The following CNOT6 variants were observed in gnomAD, a reference collection of about 807,000 sequenced individuals.
CNOT6 encodes the protein CCR4-NOT transcription complex subunit 6, also known as carbon catabolite repression 4 protein.
Under a neutral mutation model 61.2 loss-of-function variants are expected in CNOT6, and 12 were observed. The ratio of observed to expected loss-of-function variants is 0.20; its 90% confidence interval spans 0.13 to 0.32. CNOT6 has a LOEUF of 0.32. Ranked by LOEUF, CNOT6 falls within the 10% of genes least tolerant of loss-of-function variation. The pLI, the probability that CNOT6 is intolerant of heterozygous loss-of-function variation, is 1.00. For missense variants in CNOT6, 405 were observed against 663.9 expected (o/e 0.61, Z 4.28); for synonymous variants, 225 against 240.6 (o/e 0.94, Z 0.60).
chr5:180,511,111 G>GT (rs952223582), intron 1 of CNOT6, among the ~76,000 whole-genome samples: 47 of 151,674 alleles, frequency 3.1e-4, no homozygotes, highest in Non-Finnish European at 1.9e-4. Context: ...AGACAGGCAG[G>GT]TTTTTTTTGG....
At chr5:180,529,484 A>G (rs1254525428) in intron 2 of CNOT6, 96 bp downstream of exon 2, 1 of 713,974 alleles carries the variant, frequency 1.4e-6, no homozygotes, top group Non-Finnish European at 2.4e-6. Flanking sequence ...CATTGATTTT[A>G]TATTTTACAA....
intron 3 of CNOT6, 97 bp from the exon 4 acceptor site, chr5:180,553,289 A>C: frequency 1.3e-6 from 1 of 752,688 alleles, no homozygotes; most frequent in Non-Finnish European, 2.2e-6. Context: ...ACATTTTTTC[A>C]TTCTTAGGTG....
At chr5:180,526,390 A>G (rs1758103787) in intron 1 of CNOT6, among the ~76,000 whole-genome samples, 1 of 152,172 alleles carries the variant, frequency 6.6e-6, no homozygotes, top group Non-Finnish European at 1.5e-5. Flanking sequence ...AGGCAGAATG[A>G]GGGGGTGGAT....
At chr5:180,549,893 A>G in intron 2 of CNOT6, 38 bp from the exon 3 acceptor site, 1 of 1,453,030 alleles carries the variant, frequency 6.9e-7, no homozygotes, top group Non-Finnish European at 9.5e-7. Flanking sequence ...ATGTAGAGAA[A>G]ACTATATAAT....
intron 11 of CNOT6, among the ~76,000 whole-genome samples, chr5:180,572,765 A>C (rs1760816482): frequency 6.6e-6 from 1 of 151,682 alleles, no homozygotes; most frequent in Non-Finnish European, 1.5e-5. Flanking sequence ...TATATTGCCC[A>C]GCCCAATCTT....
intron 1 of CNOT6, among the ~76,000 whole-genome samples, chr5:180,511,484 A>G (rs1242675149): frequency 6.6e-6 from 1 of 152,026 alleles, no homozygotes; most frequent in Non-Finnish European, 1.5e-5. Context: ...GGTGGCATGC[A>G]CCTGTAGTTC....
intron 11 of CNOT6, 138 bp from the exon 12 acceptor site, chr5:180,573,850 A>G: frequency 1.5e-6 from 1 of 650,812 alleles, no homozygotes; most frequent in Non-Finnish European, 2.8e-6. Flanking sequence ...TATGTAGTAC[A>G]GACCTCATCC....
intron 4 of CNOT6, among the ~76,000 whole-genome samples, chr5:180,560,492 A>G (rs951646947): frequency 1.3e-5 from 2 of 152,162 alleles, no homozygotes; most frequent in Non-Finnish European, 2.9e-5. Context: ...TTCACTGGAT[A>G]TAAGAATCTG....
rs1040610665 is a variant in CNOT6 at position 180,565,724 on chromosome 5, G to A, written c.560-96G>A. On this transcript the variant is annotated intron_variant, in intron 6 of 11. Transcript: ENST00000261951. ...CAGTGACTATAGATTGAATGAATACGGTCAAACTTAACATTTAAGTGAAAA... is the reference window on the plus strand; with the variant it reads ...CAGTGACTATAGATTGAATGAATACAGTCAAACTTAACATTTAAGTGAAAA... 51 of 1,174,572 alleles carry A rather than the reference G, an allele frequency of 4.3e-5. No homozygotes were observed. In the South Asian group the frequency reaches 5.2e-4, roughly 12 times the overall value. 72.8% of individuals were successfully genotyped at this position (1,174,572 alleles called of 1,614,324 possible).
chr5:180,523,991 T>G (rs909998729), intron 1 of CNOT6, among the ~76,000 whole-genome samples: 8 of 152,178 alleles, frequency 5.3e-5, no homozygotes, highest in African/African-American at 1.9e-4. Flanking sequence ...ATGTTTTGTG[T>G]TTCTTTAAGT....
chr5:180,566,745 C>T (rs754897660), intron 7 of CNOT6, among the ~76,000 whole-genome samples: 19 of 150,230 alleles, frequency 1.3e-4, no homozygotes, highest in Admixed American at 1.1e-3. Flanking sequence ...CTGCAACCTC[C>T]GCCTCCTGGG....
intron 1 of CNOT6, among the ~76,000 whole-genome samples, chr5:180,511,536 G>A (rs1428331248): frequency 2.0e-5 from 3 of 150,986 alleles, no homozygotes; most frequent in African/African-American, 7.3e-5. Context: ...ACTTGAACCC[G>A]GGAGGCAGAG....
In CNOT6 at chr5:180,575,343, C is replaced by T. The variant is rs1275813595; in HGVS notation, c.*1143C>T. The stretch of plus-strand genomic sequence containing the variant: ...TAGGGTGAGTCCCTGGATCTTTGCT[C>T]ACCAGATCCAAGCACTGCTTCTCGG... On this transcript the variant is annotated 3_prime_UTR_variant, in exon 12 of 12. Coordinates refer to ENST00000261951, the MANE Select transcript of CNOT6 (RefSeq NM_001370472.1). 1 of 151,132 alleles carries T rather than the reference C, an allele frequency of 6.6e-6. No homozygotes were observed. The highest frequency in any genetic ancestry group is 1.5e-5 in the Non-Finnish European group (1 of 67,896). 9.4% of individuals were successfully genotyped at this position (151,132 alleles called of 1,614,324 possible).
rs531063840 is a variant in CNOT6, at chr5:180,547,053, A to G, written c.113-2878A>G. Among the ~76,000 whole-genome samples the G allele has an allele frequency of 3.3e-4, 50 of 152,332 alleles. No homozygotes were observed. In the South Asian group the frequency reaches 4.6e-3, roughly 14 times the overall value. On this transcript the variant is annotated intron_variant, in intron 2 of 11. Transcript: ENST00000261951. ...AAACCAAGTTTATGTACATTGAACC[A>G]TCAGAAAGCAAGGAAGTCACTATTT... is the stretch of plus-strand genomic sequence containing the variant.
chr5:180,526,900 T>G (rs1414972240), intron 1 of CNOT6, among the ~76,000 whole-genome samples: 1 of 136,432 alleles, frequency 7.3e-6, no homozygotes, highest in African/African-American at 2.6e-5. Context: ...TTTTTTTTTT[T>G]GAGACAGGAT....
chr5:180,549,856 A>T, intron 2 of CNOT6, 75 bp from the exon 3 acceptor site: 4 of 1,148,638 alleles, frequency 3.5e-6, no homozygotes, highest in Non-Finnish European at 5.0e-6. Flanking sequence ...AAAAACATCT[A>T]AATCTTACTG....
chr5:180,574,224 T>G lies in CNOT6; in HGVS notation c.*24T>G. 8 of 1,577,280 alleles carry G rather than the reference T, an allele frequency of 5.1e-6. No homozygotes were observed. The highest frequency in any genetic ancestry group is 7.0e-6 in the Non-Finnish European group (8 of 1,146,760). The stretch of plus-strand genomic sequence containing the variant: ...AGTCAAGCACCTTCAGAGGACAGCC[T>G]TGATTCACTTGTAAACTTGTGAAAA... On this transcript the variant is annotated 3_prime_UTR_variant, in exon 12 of 12. Coordinates refer to ENST00000261951, the MANE Select transcript of CNOT6 (RefSeq NM_001370472.1).
At chr5:180,505,595 T>C (rs1190225115) in intron 1 of CNOT6, among the ~76,000 whole-genome samples, 2 of 140,798 alleles carry the variant, frequency 1.4e-5, no homozygotes, top group Non-Finnish European at 3.1e-5. Flanking sequence ...TCGCCCAGTC[T>C]GGACTGCAGT....
At chr5:180,555,231 T>G (rs1347425727) in intron 4 of CNOT6, among the ~76,000 whole-genome samples, 1 of 152,170 alleles carries the variant, frequency 6.6e-6, no homozygotes, top group African/African-American at 2.4e-5. Context: ...GGTCTCAAAC[T>G]CCTGACCTCA....
Sources: allele counts gnomAD v4.1 joint callset (sites outside exome capture counted in the v4.1 genomes callset), GRCh38; gene constraint gnomAD v4.1.1; transcripts MANE v1.5; gene names NCBI Gene and HGNC (gene_info 2026-07-23, HGNC 2026-07-21).